The following CCR9 variants were observed in gnomAD, a reference collection of about 807,000 sequenced individuals.
The protein encoded by CCR9 is C-C chemokine receptor type 9.
CCR9 carries 4 observed loss-of-function variants against 8.7 expected under a neutral mutation model. The ratio of observed to expected loss-of-function variants is 0.46; its 90% CI spans 0.23 to 1.06. The LOEUF is 1.06. Among genes scored for constraint, CCR9 ranks in the 50% least tolerant of loss-of-function variants. The pLI, the probability that CCR9 is intolerant of heterozygous loss-of-function variation, is 0.21. For synonymous variants in CCR9, 159 were observed against 168.8 expected (o/e 0.94, Z 0.45); for missense variants, 394 against 453.6 (o/e 0.87, Z 1.19).
intron 1 of CCR9, among the ~76,000 whole-genome samples, chr3:45,890,350 CAT>C (rs372514163): frequency 0.53 from 12,317 of 23,082 alleles, 3,393 homozygotes; most frequent in African/African-American, 0.63. Flanking sequence ...ATATATATAA[CAT>C]ATATATATAT....
chr3:45,891,114 A>T (rs1167239330), intron 1 of CCR9, among the ~76,000 whole-genome samples: 8 of 152,176 alleles, frequency 5.3e-5, no homozygotes, highest in African/African-American at 1.9e-4. Context: ...AAAAAAAGTC[A>T]TTTTTCAGAT....
At chr3:45,890,269 A>ATATATTTAT (rs1466215987) in intron 1 of CCR9, among the ~76,000 whole-genome samples, 2 of 10,420 alleles carry the variant, frequency 1.9e-4, no homozygotes, top group African/African-American at 8.9e-4. Context: ...ATATATATAT[A>ATATATTTAT]ACATATATAT....
chr3:45,889,144 C>T (rs1702069107), intron 1 of CCR9, among the ~76,000 whole-genome samples: 1 of 152,044 alleles, frequency 6.6e-6, no homozygotes, highest in African/African-American at 2.4e-5. Context: ...GCAACCATGC[C>T]TGGCATATTT....
In CCR9 at chr3:45,901,065, G is replaced by T; in HGVS notation, c.277G>T (p.Ala93Ser). ...TDMFLLNLAI[A>S]DLLFLVTLPF... ...CATGTTCCTTTTGAATTTGGCAATTGCTGACCTCCTCTTTCTTGTCACTCT... is the reference window on the plus strand; with the variant it reads ...CATGTTCCTTTTGAATTTGGCAATTTCTGACCTCCTCTTTCTTGTCACTCT... Residue 93 changes from alanine (A) to serine (S), a missense_variant, in exon 3 of 3, where the codon GCT becomes TCT. Coordinates refer to ENST00000357632, the MANE Select transcript of CCR9 (RefSeq NM_031200.3). This position sits in a 1 kb window ranked among gnomAD's most constrained non-coding sequence, Gnocchi z 4.3. 6.2e-7 allele frequency: 1 copy of T among 1,614,158 alleles called. No homozygotes were observed. Among genetic ancestry groups the T allele is most frequent in the Non-Finnish European group, 8.5e-7 (1 of 1,180,032 alleles).
intron 1 of CCR9, among the ~76,000 whole-genome samples, chr3:45,888,341 T>C (rs574805651): frequency 6.6e-6 from 1 of 152,324 alleles, no homozygotes; most frequent in African/African-American, 2.4e-5. Flanking sequence ...GAAGCCCTCC[T>C]GGATTCTCCC....
rs779479313 is a variant in CCR9 at position 45,900,957 on chromosome 3, C to A, written c.169C>A (p.Leu57Ile). The A allele has an allele frequency of 1.2e-6, 2 of 1,614,206 alleles. No individual in the cohort carries two copies. Among genetic ancestry groups the A allele is most frequent in the Non-Finnish European group, 1.7e-6 (2 of 1,180,030 alleles). ...CCATTTCCTCCCACCCTTGTACTGG[C>A]TCGTGTTCATCGTGGGTGCCTTGGG... ...ASHFLPPLYW[L>I]VFIVGALGNS... Residue 57 changes from leucine (L) to isoleucine (I), a missense_variant, in exon 3 of 3, where the codon CTC becomes ATC. Transcript: ENST00000357632. The surrounding 1 kb of genome is among the most constrained non-coding windows in gnomAD (Gnocchi z 4.7).
chr3:45,901,269 AG>A lies in CCR9; in HGVS notation c.483del (p.Arg161SerfsTer50), dbSNP rs1309166275. On this transcript the variant is annotated frameshift_variant, in exon 3 of 3. Coordinates refer to ENST00000357632, the MANE Select transcript of CCR9 (RefSeq NM_031200.3). LOFTEE classifies it low-confidence loss of function (END_TRUNC). This position sits in a 1 kb window ranked among gnomAD's most constrained non-coding sequence, Gnocchi z 4.3. ...GAGAGCACATACTTGGAGGGAGAAA[AG>A]GCTTTTGTACAGCAAAATGGTTTGC... ...AMRAHTWREK[R>X]LLYSKMVCFT... 2.5e-6 allele frequency: 4 copies of A among 1,614,098 alleles called. No individual in the cohort carries two copies. Among genetic ancestry groups the A allele is most frequent in the Non-Finnish European group, 3.4e-6 (4 of 1,180,042 alleles).
intron 1 of CCR9, among the ~76,000 whole-genome samples, chr3:45,892,391 C>G (rs1702210429): frequency 6.6e-6 from 1 of 152,052 alleles, no homozygotes; most frequent in African/African-American, 2.4e-5. Context: ...TAAAAAAGAA[C>G]AAGATCCTGT....
At chr3:45,896,687 T>C (rs1367420320) in intron 2 of CCR9, among the ~76,000 whole-genome samples, 1 of 152,188 alleles carries the variant, frequency 6.6e-6, no homozygotes, top group South Asian at 2.1e-4. Flanking sequence ...GGTCTCAATG[T>C]TGGGATTTAA....
chr3:45,900,329 G>T lies in CCR9; in HGVS notation c.22-481G>T, dbSNP rs930377751. 3.3e-5 allele frequency among the ~76,000 whole-genome samples: 5 copies of T among 152,124 alleles called. No individual in the cohort carries two copies. Among genetic ancestry groups the T allele is most frequent in the Non-Finnish European group, 5.9e-5 (4 of 68,032 alleles). On this transcript the variant is annotated intron_variant, in intron 2 of 2. Transcript: ENST00000357632. This position sits in a 1 kb window ranked among gnomAD's most constrained non-coding sequence, Gnocchi z 4.7. ...CCCGGAGCTTTCAGGAAACTCAGGG[G>T]ACTGGGATCCAGATGAGTTTAAGAG...
chr3:45,897,993 A>AG (rs1702418533), intron 2 of CCR9, among the ~76,000 whole-genome samples: 1 of 146,270 alleles, frequency 6.8e-6, no homozygotes, highest in South Asian at 2.2e-4. Flanking sequence ...AAAAAAAAAA[A>AG]CACACAAAAC....
At chr3:45,890,337 CATATATATATAACATAT>C (rs1412008563) in intron 1 of CCR9, among the ~76,000 whole-genome samples, 1 of 63,156 alleles carries the variant, frequency 1.6e-5, no homozygotes, top group Non-Finnish European at 2.5e-5. Context: ...ATATATATAA[CATATATATATAACATAT>C]ATATATATAT....
intron 1 of CCR9, among the ~76,000 whole-genome samples, chr3:45,894,702 T>C (rs552457935): frequency 6.6e-6 from 1 of 152,216 alleles, no homozygotes; most frequent in East Asian, 1.9e-4. Flanking sequence ...GAATGATAAC[T>C]TCAAAGGAGA....
At chr3:45,889,795 T>C (rs925328717) in intron 1 of CCR9, among the ~76,000 whole-genome samples, 3 of 152,078 alleles carry the variant, frequency 2.0e-5, no homozygotes, top group African/African-American at 7.2e-5. Context: ...TCCTTGTTTA[T>C]TGGCTACACA....
intron 1 of CCR9, among the ~76,000 whole-genome samples, chr3:45,892,855 G>A (rs1355924499): frequency 6.6e-6 from 1 of 152,226 alleles, no homozygotes; most frequent in Non-Finnish European, 1.5e-5. Context: ...GTTACCAGGA[G>A]GAAGTTCTGG....
intron 1 of CCR9, among the ~76,000 whole-genome samples, chr3:45,888,428 C>T (rs1702049332): frequency 6.6e-6 from 1 of 152,170 alleles, no homozygotes; most frequent in African/African-American, 2.4e-5. Context: ...TTATTTGCAG[C>T]CATGACTTAC....
At chr3:45,896,872 T>A (rs903739917) in intron 2 of CCR9, among the ~76,000 whole-genome samples, 1 of 152,240 alleles carries the variant, frequency 6.6e-6, no homozygotes. Context: ...GTCCCTGCCC[T>A]TTCTCTGTCC....
At position 45,901,648 on chromosome 3, in the gene CCR9, C is replaced by T. The variant is rs1702562546; in HGVS notation, c.860C>T (p.Ser287Phe). The T allele has an allele frequency of 6.2e-7, 1 of 1,614,002 alleles. No homozygotes were observed. The highest frequency in any genetic ancestry group is 1.7e-5 in the Admixed American group (1 of 60,012). ...QTIDAYAMFISNCAVSTNIDI... is the reference protein window; with the variant it reads ...QTIDAYAMFIFNCAVSTNIDI... ...ATTGACGCCTATGCCATGTTCATCTCCAACTGTGCCGTTTCCACCAACATT... is the reference window on the plus strand; with the variant it reads ...ATTGACGCCTATGCCATGTTCATCTTCAACTGTGCCGTTTCCACCAACATT... The change falls in exon 3 of 3, where the codon TCC becomes TTC. Residue 287 changes from serine to phenylalanine, a missense_variant. Transcript: ENST00000357632. This position sits in a 1 kb window ranked among gnomAD's most constrained non-coding sequence, Gnocchi z 4.3.
rs761395952 is a variant in CCR9, at chr3:45,900,966, A to C, written c.178A>C (p.Ile60Leu). The C allele has an allele frequency of 1.9e-5, 31 of 1,614,066 alleles. No homozygotes were observed. In the Admixed American group the frequency reaches 5.2e-4, roughly 27 times the overall value. The change falls in exon 3 of 3, where the codon ATC becomes CTC. Residue 60 changes from isoleucine (I) to leucine (L), a missense_variant. Ile to Leu is a conservative substitution (Grantham distance 5, BLOSUM62 2). Transcript: ENST00000357632. This position sits in a 1 kb window ranked among gnomAD's most constrained non-coding sequence, Gnocchi z 4.7. ...CCCACCCTTGTACTGGCTCGTGTTC[A>C]TCGTGGGTGCCTTGGGCAACAGTCT... The part of the protein sequence containing the change: ...FLPPLYWLVF[I>L]VGALGNSLVI...
Sources: gnomAD v4.1 joint callset for allele counts (sites outside exome capture counted in the v4.1 genomes callset) on GRCh38, gnomAD v4.1.1 for gene constraint, Gnocchi (gnomAD v3.1) non-coding constraint, MANE v1.5 for transcripts, NCBI Gene and HGNC (gene_info 2026-07-23, HGNC 2026-07-21) for gene names.